The following CEMIP2 variants were observed in gnomAD, a reference collection of about 807,000 sequenced individuals.
The protein encoded by CEMIP2 is cell surface hyaluronidase CEMIP2.
Under a neutral mutation model 146.9 loss-of-function variants are expected in CEMIP2, and 79 were observed. The ratio of observed to expected loss-of-function variants is 0.54; its 90% CI spans 0.45 to 0.65. The LOEUF (loss-of-function observed/expected upper bound fraction) is 0.65, where lower values mean the gene tolerates loss of function less well. Among genes scored for constraint, CEMIP2 ranks in the 30% least tolerant of loss-of-function variants. The pLI is 0.00. For synonymous variants in CEMIP2, 601 were observed against 606.3 expected (o/e 0.99, Z 0.13); for missense variants, 1,596 against 1,696.2 (o/e 0.94, Z 1.04).
intron 5 of CEMIP2, among the ~76,000 whole-genome samples, chr9:71,736,188 T>C (rs1477756888): frequency 6.6e-6 from 1 of 152,236 alleles, no homozygotes; most frequent in African/African-American, 2.4e-5. Flanking sequence ...TCCATTCTTC[T>C]TGACCAACCA....
At chr9:71,715,648 A>ATATATATAT (rs967444649) in intron 14 of CEMIP2, among the ~76,000 whole-genome samples, 10 of 134,202 alleles carry the variant, frequency 7.5e-5, no homozygotes, top group East Asian at 4.2e-4. Flanking sequence ...ATATATATAT[A>ATATATATAT]CTTTTTTTTT....
At chr9:71,705,254 T>C (rs1822700281) in intron 17 of CEMIP2, among the ~76,000 whole-genome samples, 1 of 151,890 alleles carries the variant, frequency 6.6e-6, no homozygotes, top group Non-Finnish European at 1.5e-5. Context: ...CAATTTTCCA[T>C]GACCTACGTC....
rs546487655 is a variant in CEMIP2 at position 71,698,419 on chromosome 9, T to C, written c.3378-215A>G. On this transcript the variant is annotated intron_variant, in intron 19 of 23. Coordinates refer to ENST00000377044, the MANE Select transcript of CEMIP2 (RefSeq NM_013390.3). ...ACACTTTAGGAAATATGTCATACCC[T>C]GCTTCCATTGTTGTGGAACATATCA... 2.6e-5 allele frequency among the ~76,000 whole-genome samples: 4 copies of C among 152,364 alleles called. No individual in the cohort carries two copies. In the South Asian group the frequency reaches 8.3e-4, roughly 32 times the overall value.
chr9:71,687,774 G>C (rs1452356604), intron 22 of CEMIP2, among the ~76,000 whole-genome samples: 1 of 152,180 alleles, frequency 6.6e-6, no homozygotes, highest in South Asian at 2.1e-4. Flanking sequence ...GCTGAAGTAG[G>C]AGGGTCACTT....
chr9:71,685,201 T>C lies in CEMIP2; in HGVS notation c.4148A>G (p.His1383Arg), dbSNP rs1822017083. 6.2e-7 allele frequency: 1 copy of C among 1,605,824 alleles called. No individual in the cohort carries two copies. The highest frequency in any genetic ancestry group is 1.3e-5 in the African/African-American group (1 of 74,450). The change falls in exon 24 of 24, where the codon CAT (histidine) becomes CGT (arginine). Residue 1383 changes from histidine (H) to arginine (R), a missense_variant. Physicochemically the swap from His to Arg is conservative, Grantham distance 29. Coordinates refer to ENST00000377044, the MANE Select transcript of CEMIP2 (RefSeq NM_013390.3). ...CACTTAAGTTACAGTTAGTCTCTAATGTGCTTTTGAAGCTTGCTTTAGCAG... is the reference window on the plus strand; with the variant it reads ...CACTTAAGTTACAGTTAGTCTCTAACGTGCTTTTGAAGCTTGCTTTAGCAG... ...LELLKQASKA[H>R] is the part of the protein sequence containing the mutation.
chr9:71,710,274 T>C (rs994741374), intron 16 of CEMIP2, among the ~76,000 whole-genome samples: 1 of 152,206 alleles, frequency 6.6e-6, no homozygotes, highest in Admixed American at 6.5e-5. Context: ...GTAAATTATA[T>C]AATACCAACG....
At chr9:71,735,637 G>T (rs1823740584) in intron 5 of CEMIP2, among the ~76,000 whole-genome samples, 1 of 152,006 alleles carries the variant, frequency 6.6e-6, no homozygotes, top group South Asian at 2.1e-4. Flanking sequence ...AAAAACATTG[G>T]CCAGGTATGG....
At chr9:71,689,172 T>C (rs1218805229) in intron 22 of CEMIP2, among the ~76,000 whole-genome samples, 1 of 152,200 alleles carries the variant, frequency 6.6e-6, no homozygotes, top group South Asian at 2.1e-4. Context: ...GCTGTACAAG[T>C]GTCTTAAGCC....
intron 15 of CEMIP2, among the ~76,000 whole-genome samples, chr9:71,714,179 G>A (rs1822984253): frequency 6.6e-6 from 1 of 152,190 alleles, no homozygotes; most frequent in Non-Finnish European, 1.5e-5. Flanking sequence ...TAGGGGAGTT[G>A]ATTCTTAAAG....
chr9:71,708,343 C>T (rs1259284073), intron 17 of CEMIP2, among the ~76,000 whole-genome samples: 1 of 152,174 alleles, frequency 6.6e-6, no homozygotes, highest in African/African-American at 2.4e-5. Flanking sequence ...ATCACCTTTG[C>T]AACTTACAGC....
At chr9:71,689,965 T>A in intron 22 of CEMIP2, 127 bp downstream of exon 22, 1 of 1,171,524 alleles carries the variant, frequency 8.5e-7, no homozygotes, top group East Asian at 2.4e-5. Flanking sequence ...AGGAGAGGAA[T>A]GAACACCTTG....
intron 1 of CEMIP2, among the ~76,000 whole-genome samples, chr9:71,764,003 A>C (rs1377643706): frequency 1.3e-5 from 2 of 152,354 alleles, no homozygotes; most frequent in East Asian, 3.9e-4. Flanking sequence ...CAAAAGAACA[A>C]GCAAACATGA....
At position 71,730,233 on chromosome 9, in the gene CEMIP2, A is replaced by T; in HGVS notation, c.1794T>A (p.Phe598Leu). The T allele has an allele frequency of 1.2e-6, 2 of 1,614,172 alleles. No individual in the cohort carries two copies. Among genetic ancestry groups the T allele is most frequent in the Non-Finnish European group, 1.7e-6 (2 of 1,180,020 alleles). Residue 598 changes from phenylalanine (F) to leucine (L), a missense_variant, in exon 9 of 24, where the codon TTT becomes TTA. Physicochemically the swap from Phe to Leu is conservative, Grantham distance 22 (BLOSUM62 0). Transcript: ENST00000377044. ...NGLLIKDTIG[F>L]DTLGHCFFLE... ...AAAAGAAACAATGACCTAGTGTGTCAAACCCAATGGTGTCTTTTATCTGCA... is the reference window on the plus strand; with the variant it reads ...AAAAGAAACAATGACCTAGTGTGTCTAACCCAATGGTGTCTTTTATCTGCA...
chr9:71,745,287 C>T lies in CEMIP2; in HGVS notation c.765G>A (p.Gly255=). ...AAAAGTCCTTTTCAAAGGTATAGGA[C>T]CCAAAGGGCAAGCCTGAGGAATTCA... ...RTLNSSGLPF[G]SYTFEKDFSR... is the part of the protein sequence containing the mutation. The change falls in exon 4 of 24, where the codon GGG becomes GGA. Residue 255 remains glycine (G), a synonymous_variant. Coordinates refer to ENST00000377044, the MANE Select transcript of CEMIP2 (RefSeq NM_013390.3). 1.9e-6 allele frequency: 3 copies of T among 1,614,024 alleles called. No individual in the cohort carries two copies. The highest frequency in any genetic ancestry group is 2.5e-6 in the Non-Finnish European group (3 of 1,179,988).
At position 71,685,409 on chromosome 9, in the gene CEMIP2, A is replaced by AAG. The variant is rs748494062; in HGVS notation, c.3956-17_3956-16insCT. ...ATGGTACTCCCTAAAAAAAAAAAAA[A>AAG]AAAAGAAAAAGAAAAAAAATCAATT... On this transcript the variant is annotated splice_polypyrimidine_tract_variant and intron_variant, in intron 23 of 23. Coordinates refer to ENST00000377044, the MANE Select transcript of CEMIP2 (RefSeq NM_013390.3). 1.7e-5 allele frequency: 26 copies of AAG among 1,485,926 alleles called. No individual in the cohort carries two copies. Among genetic ancestry groups the AAG allele is most frequent in the East Asian group, 1.7e-4 (7 of 40,104 alleles). 92.0% of individuals were successfully genotyped at this position (1,485,926 alleles called of 1,614,324 possible). A position where few individuals can be genotyped will look rare whatever the true frequency, so the allele number is the denominator to read the frequency against.
chr9:71,759,131 G>C (rs1457676599), intron 1 of CEMIP2, among the ~76,000 whole-genome samples: 1 of 152,134 alleles, frequency 6.6e-6, no homozygotes, highest in African/African-American at 2.4e-5. Flanking sequence ...TGAAGGGAAA[G>C]GACAAGGGAC....
chr9:71,691,302 C>T (rs771501417), intron 21 of CEMIP2, among the ~76,000 whole-genome samples: 2 of 142,570 alleles, frequency 1.4e-5, no homozygotes, highest in Admixed American at 1.4e-4. Flanking sequence ...TGCCTGTGAT[C>T]CCAGCTACTT....
intron 14 of CEMIP2, among the ~76,000 whole-genome samples, chr9:71,716,307 C>T (rs1204934403): frequency 2.0e-5 from 3 of 151,336 alleles, no homozygotes; most frequent in African/African-American, 7.3e-5. Context: ...TGTGAAATTC[C>T]AGCTATATTA....
intron 1 of CEMIP2, among the ~76,000 whole-genome samples, chr9:71,756,235 GGTGT>G (rs1824443186): frequency 2.8e-5 from 3 of 107,954 alleles, no homozygotes; most frequent in South Asian, 3.4e-4. Flanking sequence ...TATGTATATA[GGTGT>G]ATATATATAT....
Sources: gnomAD v4.1 joint callset for allele counts (sites outside exome capture counted in the v4.1 genomes callset) on GRCh38, gnomAD v4.1.1 for gene constraint, MANE v1.5 for transcripts, NCBI Gene and HGNC (gene_info 2026-07-23, HGNC 2026-07-21) for gene names.